The following PHF12 variants were observed in gnomAD, a reference collection of about 807,000 sequenced individuals.
PHF12 encodes PHD finger protein 12.
Under a neutral mutation model 99.8 loss-of-function variants are expected in PHF12, and 6 were observed. The ratio of observed to expected loss-of-function variants is 0.06; its 90% confidence interval spans 0.03 to 0.12. The LOEUF is 0.12. PHF12 is among the 10% of genes least tolerant of loss of function. PHF12 has a pLI of 1.00. For missense variants in PHF12, 954 were observed against 1,300.1 expected (o/e 0.73, Z 4.09); for synonymous variants, 480 against 514.9 (o/e 0.93, Z 0.92).
chr17:28,915,965 G>C (rs2040054123), intron 7 of PHF12, among the ~76,000 whole-genome samples: 1 of 150,998 alleles, frequency 6.6e-6, no homozygotes, highest in Admixed American at 6.6e-5. Context: ...TATGCTCTCT[G>C]ACAAATCTAC....
intron 4 of PHF12, among the ~76,000 whole-genome samples, chr17:28,922,180 C>T (rs1160605711): frequency 6.6e-6 from 1 of 152,210 alleles, no homozygotes; most frequent in East Asian, 1.9e-4. Flanking sequence ...TCTTGAACTA[C>T]TGGGCTCAAG....
intron 2 of PHF12, among the ~76,000 whole-genome samples, chr17:28,945,902 G>A (rs774497859): frequency 2.6e-5 from 4 of 152,158 alleles, no homozygotes; most frequent in Admixed American, 1.3e-4. Flanking sequence ...TTGGGAGGCC[G>A]AGGCGGGTGG....
Position 28,921,729 on chromosome 17 carries a change from A to G in PHF12, c.795T>C (p.Gly265=), listed in dbSNP as rs781392373. ...KKTQHELDHN[G]LVPLPVKVCF... ...AGACTTTGACGGGTAAGGGAACGAGACCATTGTGATCTAATTCATGCTGTG... is the reference window on the plus strand; with the variant it reads ...AGACTTTGACGGGTAAGGGAACGAGGCCATTGTGATCTAATTCATGCTGTG... The change falls in exon 5 of 15, where the codon GGT becomes GGC. Residue 265 remains glycine, a synonymous_variant. Transcript: ENST00000332830. The G allele has an allele frequency of 6.2e-7, 1 of 1,614,122 alleles. No homozygotes were observed.
In PHF12 at chr17:28,921,812, GA is replaced by G; in HGVS notation, c.716-5del. On this transcript the variant is annotated splice_polypyrimidine_tract_variant and splice_region_variant and intron_variant, in intron 4 of 14. Transcript: ENST00000332830. ...TTTCTTCTCCTCTTGCTAGAACCTA[GA>G]AAAGAAAATGATGGTGCTGAGCTAT... The G allele has an allele frequency of 6.2e-7, 1 of 1,613,940 alleles. No homozygotes were observed. Among genetic ancestry groups the G allele is most frequent in the Non-Finnish European group, 8.5e-7 (1 of 1,179,972 alleles).
chr17:28,931,079 A>G (rs567136664), intron 2 of PHF12, among the ~76,000 whole-genome samples: 2 of 152,116 alleles, frequency 1.3e-5, no homozygotes, highest in East Asian at 3.9e-4. Context: ...CAACAACAAA[A>G]AACAAACAAA....
intron 6 of PHF12, among the ~76,000 whole-genome samples, chr17:28,917,695 G>A (rs1360414696): frequency 3.3e-5 from 5 of 152,176 alleles, no homozygotes; most frequent in Non-Finnish European, 5.9e-5. Context: ...CTTAAGGAAG[G>A]CAGGAGAAAT....
At chr17:28,907,545 C>T (rs776033292) in intron 13 of PHF12, 45 bp downstream of exon 13, 1 of 1,587,674 alleles carries the variant, frequency 6.3e-7, no homozygotes, top group South Asian at 1.1e-5. Context: ...CTGGGAGAGG[C>T]CTCAGGTTGG....
intron 2 of PHF12, among the ~76,000 whole-genome samples, chr17:28,928,679 G>A (rs989925079): frequency 3.3e-5 from 5 of 152,142 alleles, no homozygotes; most frequent in Admixed American, 6.6e-5. Context: ...CTACTTGGGA[G>A]GCTGAGGCAG....
chr17:28,924,495 T>C (rs1044657993), intron 3 of PHF12, 193 bp from the exon 4 acceptor site: 5 of 692,488 alleles, frequency 7.2e-6, no homozygotes, highest in Admixed American at 2.9e-5. Flanking sequence ...CTGACAAAAC[T>C]GTTGCATCAG....
At chr17:28,933,596 A>G (rs2040454549) in intron 2 of PHF12, among the ~76,000 whole-genome samples, 1 of 152,238 alleles carries the variant, frequency 6.6e-6, no homozygotes, top group Non-Finnish European at 1.5e-5. Flanking sequence ...TGGGGTACAC[A>G]GTGAAATATC....
intron 3 of PHF12, 144 bp from the exon 4 acceptor site, chr17:28,924,446 T>C: frequency 8.9e-7 from 1 of 1,119,896 alleles, no homozygotes; most frequent in Non-Finnish European, 1.3e-6. Flanking sequence ...CTTGGAACAC[T>C]GGTCTGTTAA....
intron 2 of PHF12, among the ~76,000 whole-genome samples, chr17:28,941,696 C>T (rs1305857276): frequency 6.6e-6 from 1 of 152,060 alleles, no homozygotes; most frequent in East Asian, 1.9e-4. Flanking sequence ...CTCCACCTCC[C>T]GGGTTCAAGC....
At chr17:28,924,371 C>T (rs747315125) in intron 3 of PHF12, 69 bp from the exon 4 acceptor site, 4 of 1,605,528 alleles carry the variant, frequency 2.5e-6, no homozygotes, top group South Asian at 2.2e-5. Flanking sequence ...GCTACAAAGT[C>T]CTGGTAGACC....
chr17:28,947,259 G>A (rs2040736867), intron 2 of PHF12, among the ~76,000 whole-genome samples: 1 of 152,150 alleles, frequency 6.6e-6, no homozygotes. Context: ...GGGATTACAG[G>A]CGTGAGCCAC....
chr17:28,914,940 C>T (rs1181297809), intron 7 of PHF12, among the ~76,000 whole-genome samples: 1 of 152,100 alleles, frequency 6.6e-6, no homozygotes, highest in African/African-American at 2.4e-5. Flanking sequence ...TTCTAGAGAT[C>T]CAGAGATGAA....
intron 2 of PHF12, among the ~76,000 whole-genome samples, chr17:28,927,553 A>G (rs1290943816): frequency 6.6e-6 from 1 of 152,212 alleles, no homozygotes; most frequent in Non-Finnish European, 1.5e-5. Context: ...TGCCTCAATC[A>G]GCTGTGATGG....
Position 28,941,919 on chromosome 17 carries a change from C to T in PHF12, c.248+8146G>A, listed in dbSNP as rs117954033. Among the ~76,000 whole-genome samples, 148 of 152,246 alleles carry T rather than the reference C, an allele frequency of 9.7e-4. 3 individuals are homozygous for T. In the East Asian group the frequency reaches 0.025, roughly 26 times the overall value. On this transcript the variant is annotated intron_variant, in intron 2 of 14. Transcript: ENST00000332830. ...ACTGCCCTCAGCCAACATCTTCTTT[C>T]TTAAACTAGGGTCCTCCAAGTATGA...
At position 28,906,798 on chromosome 17, in the gene PHF12, C is replaced by A; in HGVS notation, c.2680+58G>T. 6.5e-7 allele frequency: 1 copy of A among 1,543,192 alleles called. No individual in the cohort carries two copies. The highest frequency in any genetic ancestry group is 1.2e-5 in the South Asian group (1 of 80,618). Reference sequence around the variant, plus strand: ...AAGAGACAGACCATGGGCAGCAAGTCAGAACCACCCTGACTGGGGCCTCAG... The same window carrying A: ...AAGAGACAGACCATGGGCAGCAAGTAAGAACCACCCTGACTGGGGCCTCAG... On this transcript the variant is annotated intron_variant, in intron 14 of 14. Transcript: ENST00000332830. This position sits in a 1 kb window ranked among gnomAD's most constrained non-coding sequence, Gnocchi z 4.2.
chr17:28,951,109 C>A lies in PHF12; in HGVS notation c.-149G>T, dbSNP rs2040803950. The A allele has an allele frequency of 1.4e-6, 2 of 1,457,012 alleles. No individual in the cohort carries two copies. The highest frequency in any genetic ancestry group is 9.0e-7 in the Non-Finnish European group (1 of 1,106,158). 90.3% of individuals were successfully genotyped at this position (1,457,012 alleles called of 1,614,324 possible). ...TTCCTCGCCCTGGCTCCCCCCCACC[C>A]CCCGGCCCCCAGTCCCCGGGACGAC... is the stretch of plus-strand genomic sequence containing the variant. On this transcript the variant is annotated 5_prime_UTR_variant, in exon 1 of 15. Coordinates refer to ENST00000332830, the MANE Select transcript of PHF12 (RefSeq NM_001033561.2).
Sources: allele counts gnomAD v4.1 joint callset (sites outside exome capture counted in the v4.1 genomes callset), GRCh38; gene constraint gnomAD v4.1.1; non-coding constraint Gnocchi (gnomAD v3.1); transcripts MANE v1.5; gene names NCBI Gene and HGNC (gene_info 2026-07-23, HGNC 2026-07-21).